Variants in HELZ2 observed in about 807,000 individuals in gnomAD.
HELZ2 encodes helicase with zinc finger 2.
A neutral mutation model predicts 208.8 loss-of-function variants in HELZ2; 143 were observed. The ratio of observed to expected loss-of-function variants is 0.68; its 90% CI spans 0.60 to 0.79. HELZ2 has a LOEUF of 0.79. Ranked by LOEUF, HELZ2 falls within the 30% of genes least tolerant of loss-of-function variation. The probability of loss-of-function intolerance (pLI) is 0.00; values close to 1 mark genes in which losing one functional copy is unlikely to be tolerated. For synonymous variants in HELZ2, 1,705 were observed against 1,693.7 expected, an observed-to-expected ratio of 1.01 and a Z score of -0.16; for missense variants, 3,690 against 3,794.5, an observed-to-expected ratio of 0.97 and a Z score of 0.72.
At chr20:63,563,642 A>G in exon 8 of HELZ2, 2 of 1,545,744 alleles carry the variant, frequency 1.3e-6, no homozygotes, top group Non-Finnish European at 1.7e-6. Context: ...GGCCAGGTGC[A>G]GGCTGCGCGC....
At chr20:63,562,167 T>G (rs777036815) in exon 10 of HELZ2, 1 of 1,611,874 alleles carries the variant, frequency 6.2e-7, no homozygotes, top group African/African-American at 1.3e-5. Flanking sequence ...TCCGGGGATG[T>G]TGTAGGTCTG....
At chr20:63,563,828 A>C (rs992856177) in exon 8 of HELZ2, 29 of 1,598,186 alleles carry the variant, frequency 1.8e-5, no homozygotes, top group Non-Finnish European at 2.4e-5. Context: ...GTACCAGTCC[A>C]CCTGCAGCGA....
Position 63,569,002 on chromosome 20 carries a change from G to T in HELZ2, c.1089-3C>A. 6.2e-7 allele frequency: 1 copy of T among 1,601,166 alleles called. No individual in the cohort carries two copies. Among genetic ancestry groups the T allele is most frequent in the Non-Finnish European group, 8.5e-7 (1 of 1,179,800 alleles). ...ACACCTGGCCCCGCAGGGTCAGCCT[G>T]GCAGGATGGCCTGGGTCAGCTCATG... On this transcript the variant is annotated splice_region_variant and splice_polypyrimidine_tract_variant and intron_variant, in intron 4 of 18. Coordinates refer to ENST00000467148, the Ensembl canonical transcript of HELZ2.
upstream of HELZ2, chr20:63,572,487 G>A: frequency 7.8e-7 from 1 of 1,277,932 alleles, no homozygotes; most frequent in Non-Finnish European, 1.0e-6. Context: ...CCGGCCCGGG[G>A]CCGCGGCCTC....
At chr20:63,559,538 A>C (rs1177456593) in intron 18 of HELZ2, among the ~76,000 whole-genome samples, 168 bp from the exon 20 acceptor site, 1 of 37,000 alleles carries the variant, frequency 2.7e-5, no homozygotes, top group Non-Finnish European at 5.3e-5. Context: ...GTCAGGTGGG[A>C]GGAGTCAGGG....
intron 6 of HELZ2, among the ~76,000 whole-genome samples, 194 bp from the exon 8 acceptor site, chr20:63,566,647 C>A (rs2082962182): frequency 6.6e-6 from 1 of 151,494 alleles, no homozygotes; most frequent in Admixed American, 6.6e-5. Flanking sequence ...ACTGGGCCAC[C>A]CCCGACAAGG....
At chr20:63,572,001 C>T (rs1290330673) in intron 1 of HELZ2, 107 bp downstream of exon 2, 3 of 1,323,126 alleles carry the variant, frequency 2.3e-6, no homozygotes, top group African/African-American at 1.5e-5. Context: ...GAGCCTCTGG[C>T]TCTGCCTGTG....
At chr20:63,572,312 C>A in exon 1 of HELZ2, 12 of 1,586,774 alleles carry the variant, frequency 7.6e-6, no homozygotes, top group Non-Finnish European at 1.0e-5. Flanking sequence ...GCGCCCGTCG[C>A]CATCAGGGGC....
Position 63,565,324 on chromosome 20 carries a change from G to A in HELZ2, c.3498C>T (p.Ala1166=), listed in dbSNP as rs187738428. The A allele has an allele frequency of 1.6e-3, 2,510 of 1,607,024 alleles. 3 individuals are homozygous for A. The highest frequency in any genetic ancestry group is 1.9e-3 in the Non-Finnish European group (2,241 of 1,177,744). Residue 1166 remains alanine (A), a synonymous_variant, in exon 8 of 19, where the codon GCC becomes GCT. Coordinates refer to ENST00000467148, the Ensembl canonical transcript of HELZ2. ...GCACCAGCACCTCATCCCCGGCGAA[G>A]GCCATCCCACAGTCCAGGCGGCCCC...
chr20:63,563,698 C>T, exon 8 of HELZ2: 1 of 1,585,030 alleles, frequency 6.3e-7, no homozygotes, highest in Non-Finnish European at 8.5e-7. Flanking sequence ...GGCTGAAGGC[C>T]TGGCAGAGCC....
chr20:63,568,407 C>T, exon 5 of HELZ2: 1 of 1,610,016 alleles, frequency 6.2e-7, no homozygotes, highest in Non-Finnish European at 8.5e-7. Flanking sequence ...CTCCGGATGA[C>T]CTCCAGGGAG....
At chr20:63,564,051 G>C (rs775810065) in exon 8 of HELZ2, 1 of 1,605,006 alleles carries the variant, frequency 6.2e-7, no homozygotes, top group Non-Finnish European at 8.5e-7. Flanking sequence ...GTGTCGGGGG[G>C]ACTGCCCCCG....
At chr20:63,570,193 C>T (rs2083003630) in intron 3 of HELZ2, 1 of 520,188 alleles carries the variant, frequency 1.9e-6, no homozygotes, top group Non-Finnish European at 3.8e-6. Flanking sequence ...CTCCCGACCT[C>T]AGGTGATCCA....
At chr20:63,566,112 G>C in exon 8 of HELZ2, 1 of 1,582,494 alleles carries the variant, frequency 6.3e-7, no homozygotes, top group South Asian at 1.1e-5. Context: ...GACTGGGCGC[G>C]GGTCAGGACG....
At chr20:63,564,680 C>T (rs3810487) in exon 8 of HELZ2, 340,262 of 1,587,388 alleles carry the variant, frequency 0.21, 41,613 homozygotes, top group East Asian at 0.55. Flanking sequence ...CACCCCGTCC[C>T]TGGGCACGAA....
chr20:63,568,341 G>A lies in HELZ2; in HGVS notation c.1730+17C>T, dbSNP rs749964436. ...CGGGCGTCAGGTGAGGTGGGGGCAG[G>A]CCAGGCTCGGGCTTACCTGTTGGTG... On this transcript the variant is annotated intron_variant, in intron 5 of 18. Transcript: ENST00000467148. 1.3e-6 allele frequency: 2 copies of A among 1,592,204 alleles called. No homozygotes were observed. Among genetic ancestry groups the A allele is most frequent in the East Asian group, 2.2e-5 (1 of 44,704 alleles).
exon 12 of HELZ2, chr20:63,561,621 C>T: frequency 1.2e-6 from 2 of 1,609,228 alleles, no homozygotes; most frequent in Non-Finnish European, 8.5e-7. Context: ...GGTTCGGCCT[C>T]CCCTCCCGGG....
downstream of HELZ2, chr20:63,558,696 G>C (rs990110180): frequency 4.6e-5 from 7 of 152,354 alleles, no homozygotes; most frequent in South Asian, 1.4e-3. Context: ...CCGCCACCAC[G>C]CCCAGCTAAT....
chr20:63,560,575 G>T, exon 16 of HELZ2: 1 of 1,612,746 alleles, frequency 6.2e-7, no homozygotes, highest in Non-Finnish European at 8.5e-7. Flanking sequence ...CGTGGCCAAA[G>T]ATGACAGGGC....
Sources: allele counts gnomAD v4.1 joint callset (sites outside exome capture counted in the v4.1 genomes callset), GRCh38; gene constraint gnomAD v4.1.1; transcripts MANE v1.5; gene names NCBI Gene and HGNC (gene_info 2026-07-23, HGNC 2026-07-21).